IMMP2L: variants seen among roughly 807,000 people sequenced by gnomAD.
The protein encoded by IMMP2L is mitochondrial inner membrane protease subunit 2.
In IMMP2L, 18 loss-of-function variants were observed where a neutral mutation model predicts 19.3. That is an observed-to-expected ratio of 0.93 (90% CI 0.64 to 1.38). The LOEUF is 1.38. Among genes scored for constraint, IMMP2L ranks in the 40% most tolerant of loss-of-function variants. The pLI is 0.00. For missense variants in IMMP2L, 233 were observed against 218.2 expected (o/e 1.07, Z -0.43); for synonymous variants, 76 against 73.0 (o/e 1.04, Z -0.21).
chr7:111,400,003 TG>T (rs1833270019), intron 3 of IMMP2L, among the ~76,000 whole-genome samples: 1 of 152,160 alleles, frequency 6.6e-6, no homozygotes, highest in Non-Finnish European at 1.5e-5. Flanking sequence ...GAAAAAGATT[TG>T]CCCCAGAAGT....
At chr7:111,464,065 G>A (rs1294476956) in intron 3 of IMMP2L, among the ~76,000 whole-genome samples, 3 of 152,090 alleles carry the variant, frequency 2.0e-5, no homozygotes, top group African/African-American at 7.2e-5. Context: ...TCAGGAGCAT[G>A]GATTGTGAAG....
chr7:111,274,522 T>C (rs914042710), intron 3 of IMMP2L, among the ~76,000 whole-genome samples: 1 of 152,142 alleles, frequency 6.6e-6, no homozygotes. Flanking sequence ...TTAGATTCAT[T>C]TACAGTAAAA....
intron 5 of IMMP2L, among the ~76,000 whole-genome samples, chr7:110,751,012 A>C (rs1256001415): frequency 6.6e-6 from 1 of 152,138 alleles, no homozygotes; most frequent in Non-Finnish European, 1.5e-5. Flanking sequence ...TTTCACATCT[A>C]AAAATGTTTT....
intron 3 of IMMP2L, among the ~76,000 whole-genome samples, chr7:111,456,311 A>G (rs1393516946): frequency 1.3e-5 from 2 of 152,044 alleles, no homozygotes; most frequent in Non-Finnish European, 2.9e-5. Flanking sequence ...AATAAAAATG[A>G]AAAAACACTC....
intron 5 of IMMP2L, among the ~76,000 whole-genome samples, chr7:110,719,154 T>C (rs1795417870): frequency 6.6e-6 from 1 of 152,064 alleles, no homozygotes; most frequent in Non-Finnish European, 1.5e-5. Flanking sequence ...GATAATCAGA[T>C]CTGAATCCAG....
intron 5 of IMMP2L, among the ~76,000 whole-genome samples, chr7:110,833,439 CAAAA>C (rs66826955): frequency 8.7e-6 from 1 of 115,466 alleles, no homozygotes; most frequent in African/African-American, 3.2e-5. Context: ...AACTTCGTCT[CAAAA>C]AAAAAAAAAA....
intron 3 of IMMP2L, among the ~76,000 whole-genome samples, chr7:110,989,158 C>G (rs565841226): frequency 1.3e-5 from 2 of 152,260 alleles, no homozygotes; most frequent in African/African-American, 4.8e-5. Context: ...TCGCTTGAAA[C>G]TGGGTGGCAG....
At chr7:110,933,058 T>C (rs1302283368) in intron 4 of IMMP2L, among the ~76,000 whole-genome samples, 1 of 152,230 alleles carries the variant, frequency 6.6e-6, no homozygotes, top group Non-Finnish European at 1.5e-5. Flanking sequence ...ATAAGAAGCA[T>C]GTGGAAACGA....
intron 3 of IMMP2L, among the ~76,000 whole-genome samples, chr7:111,003,390 T>C (rs1262429488): frequency 5.9e-5 from 9 of 152,194 alleles, no homozygotes; most frequent in Non-Finnish European, 2.9e-5. Flanking sequence ...CATCAAAATA[T>C]CCCTGCTGCA....
chr7:111,328,259 T>C (rs1203711146), intron 3 of IMMP2L, among the ~76,000 whole-genome samples: 1 of 151,728 alleles, frequency 6.6e-6, no homozygotes, highest in Non-Finnish European at 1.5e-5. Flanking sequence ...CAAAGGAATA[T>C]TAAAGATGTT....
chr7:111,446,015 G>T (rs1395496405), intron 3 of IMMP2L, among the ~76,000 whole-genome samples: 7 of 151,296 alleles, frequency 4.6e-5, no homozygotes, highest in Admixed American at 6.6e-5. Flanking sequence ...AAGAAACGGC[G>T]CACCACGAGA....
intron 2 of IMMP2L, among the ~76,000 whole-genome samples, chr7:111,511,021 T>C (rs1263323055): frequency 1.3e-5 from 2 of 152,156 alleles, no homozygotes; most frequent in Non-Finnish European, 2.9e-5. Context: ...AGATTTTTCA[T>C]GGGCCAGGCC....
At chr7:111,320,976 T>A (rs979069840) in intron 3 of IMMP2L, among the ~76,000 whole-genome samples, 2 of 152,092 alleles carry the variant, frequency 1.3e-5, no homozygotes, top group Non-Finnish European at 2.9e-5. Flanking sequence ...GTTTGCTGAA[T>A]TAATGAATAA....
intron 3 of IMMP2L, among the ~76,000 whole-genome samples, chr7:111,478,556 A>T (rs971154457): frequency 1.6e-5 from 2 of 127,508 alleles, no homozygotes; most frequent in Non-Finnish European, 3.3e-5. Context: ...CACCATGCCC[A>T]GCTTTTGTTT....
intron 3 of IMMP2L, among the ~76,000 whole-genome samples, chr7:111,384,373 G>T (rs572634566): frequency 6.6e-6 from 1 of 152,062 alleles, no homozygotes; most frequent in South Asian, 2.1e-4. Flanking sequence ...AGGGGGAATT[G>T]TATCTCCACT....
intron 3 of IMMP2L, among the ~76,000 whole-genome samples, chr7:111,281,317 AAGAC>A (rs1056893922): frequency 3.0e-4 from 45 of 152,044 alleles, no homozygotes; most frequent in Non-Finnish European, 4.6e-4. Context: ...GAAAGAAAGA[AAGAC>A]AGAAAGAAAG....
intron 5 of IMMP2L, among the ~76,000 whole-genome samples, chr7:110,818,996 A>T (rs1274891287): frequency 6.6e-6 from 1 of 151,006 alleles, no homozygotes; most frequent in Non-Finnish European, 1.5e-5. Flanking sequence ...GCATTAGGAG[A>T]TATACCTAAT....
At position 111,487,066 on chromosome 7, in the gene IMMP2L, T is replaced by A. The variant is rs144680163; in HGVS notation, c.239+172A>T. ...ACTAACATATTTTAAATGCAAAAAA[T>A]TCTTTTTATAGCATTGTTACACTGC... On this transcript the variant is annotated intron_variant, in intron 3 of 5. Transcript: ENST00000405709. Among the ~76,000 whole-genome samples the A allele has an allele frequency of 5.9e-4, 90 of 152,258 alleles. 1 individual carries two copies. The highest frequency in any genetic ancestry group is 1.1e-3 in the African/African-American group (45 of 41,564).
At chr7:111,434,637 T>C (rs1836967728) in intron 3 of IMMP2L, among the ~76,000 whole-genome samples, 1 of 151,640 alleles carries the variant, frequency 6.6e-6, no homozygotes, top group East Asian at 1.9e-4. Flanking sequence ...CCTCCACCTC[T>C]TGGATTCAAG....
Sources: gnomAD v4.1 joint callset for allele counts (sites outside exome capture counted in the v4.1 genomes callset) on GRCh38, gnomAD v4.1.1 for gene constraint, MANE v1.5 for transcripts, NCBI Gene and HGNC (gene_info 2026-07-23, HGNC 2026-07-21) for gene names.